SIAH1: variants seen among roughly 807,000 people sequenced by gnomAD.
SIAH1 encodes the protein E3 ubiquitin-protein ligase SIAH1.
SIAH1 carries 2 observed loss-of-function variants against 20.0 expected under a neutral mutation model. That is an observed-to-expected ratio of 0.10 (90% CI 0.04 to 0.31). The LOEUF is 0.31. SIAH1 is among the 10% of genes least tolerant of loss of function. The pLI is 1.00. For synonymous variants in SIAH1, 118 were observed against 125.3 expected (o/e 0.94, Z 0.39); for missense variants, 119 against 355.3 (o/e 0.33, Z 5.35).
chr16:48,371,568 G>A (rs1250355594), intron 1 of SIAH1, among the ~76,000 whole-genome samples: 1 of 152,230 alleles, frequency 6.6e-6, no homozygotes, highest in Admixed American at 6.5e-5. Flanking sequence ...GGAGAGGAAA[G>A]AGCAGAGAAG....
At chr16:48,384,824 G>A (rs1343541283) in intron 1 of SIAH1, among the ~76,000 whole-genome samples, 3 of 148,774 alleles carry the variant, frequency 2.0e-5, no homozygotes, top group Admixed American at 6.7e-5. Context: ...ACAAAGGCCG[G>A]CACGAGGGCG....
intron 1 of SIAH1, among the ~76,000 whole-genome samples, chr16:48,384,733 G>A (rs1449308795): frequency 6.6e-6 from 1 of 151,394 alleles, no homozygotes; most frequent in South Asian, 2.1e-4. Flanking sequence ...GGGAGGAGGG[G>A]GAGGGAGGGC....
intron 1 of SIAH1, chr16:48,365,507 C>T: frequency 6.2e-7 from 1 of 1,606,172 alleles, no homozygotes; most frequent in Non-Finnish European, 8.5e-7. Context: ...TGCGTTTCCC[C>T]CAAGAAGTAA....
Position 48,371,897 on chromosome 16 carries a change from T to C in SIAH1, c.-2-9467A>G, listed in dbSNP as rs184975638. Reference sequence around the variant, plus strand: ...TTACTCCATCTTGGCATTTAAGCTGTGCTTTTTAAAACCTTACTTATAAAA... The same window carrying C: ...TTACTCCATCTTGGCATTTAAGCTGCGCTTTTTAAAACCTTACTTATAAAA... On this transcript the variant is annotated intron_variant, in intron 1 of 1. Coordinates refer to ENST00000394725, the MANE Select transcript of SIAH1 (RefSeq NM_003031.4). Among the ~76,000 whole-genome samples, 407 of 152,354 alleles carry C rather than the reference T, an allele frequency of 2.7e-3. 1 individual carries two copies. Among genetic ancestry groups the C allele is most frequent in the African/African-American group, 9.6e-3 (401 of 41,588 alleles).
intron 1 of SIAH1, among the ~76,000 whole-genome samples, chr16:48,381,166 G>A (rs997800513): frequency 6.6e-6 from 1 of 151,892 alleles, no homozygotes; most frequent in Non-Finnish European, 1.5e-5. Flanking sequence ...CCGACATGTT[G>A]AAACCCTGCC....
At chr16:48,376,744 T>C (rs1961119390) in intron 1 of SIAH1, among the ~76,000 whole-genome samples, 1 of 152,180 alleles carries the variant, frequency 6.6e-6, no homozygotes, top group African/African-American at 2.4e-5. Context: ...TCTGCAAAAA[T>C]TAACTAACGT....
rs13332870 is a variant in SIAH1, at chr16:48,381,234, A to G, written c.-3+3970T>C. 6.5e-3 allele frequency among the ~76,000 whole-genome samples: 987 copies of G among 152,220 alleles called. 8 individuals are homozygous for G. The highest frequency in any genetic ancestry group is 0.023 in the African/African-American group (948 of 41,534). ...ATGGCAGGCGCCTGTAATCCCAGCT[A>G]CTCAGGAGACTGAGGCACGAGAATC... On this transcript the variant is annotated intron_variant, in intron 1 of 1. Coordinates refer to ENST00000394725, the MANE Select transcript of SIAH1 (RefSeq NM_003031.4).
chr16:48,376,726 G>A (rs933600479), intron 1 of SIAH1, among the ~76,000 whole-genome samples: 1 of 151,984 alleles, frequency 6.6e-6, no homozygotes, highest in African/African-American at 2.4e-5. Context: ...AAACTCAAAA[G>A]AATACAGTCT....
rs1224163561 is a variant in SIAH1, at chr16:48,361,567, T to G, written c.*13A>C. 4.4e-6 allele frequency: 7 copies of G among 1,609,072 alleles called. No homozygotes were observed. The African/African-American group carries it at 9.3e-5, about 21-fold the overall frequency. On this transcript the variant is annotated 3_prime_UTR_variant, in exon 2 of 2. Transcript: ENST00000394725. ...AGTTTTAAACACTGGCCAGAAAATG[T>G]TTGATTGCCATTTCAACACATGGAA...
At position 48,362,776 on chromosome 16, in the gene SIAH1, A is replaced by G. The variant is rs1960648801; in HGVS notation, c.-2-346T>C. 4.5e-6 allele frequency: 1 copy of G among 224,272 alleles called. No individual in the cohort carries two copies. Among genetic ancestry groups the G allele is most frequent in the East Asian group, 1.4e-4 (1 of 6,898 alleles). 13.9% of individuals were successfully genotyped at this position (224,272 alleles called of 1,614,324 possible). On this transcript the variant is annotated intron_variant, in intron 1 of 1. Transcript: ENST00000394725. This position sits in a 1 kb window ranked among gnomAD's most constrained non-coding sequence, Gnocchi z 4.2. ...TATACAAGGAACTGAAGTTTAATCG[A>G]ATCCGTTTTGCTAGGACTCTCCCTG...
intron 1 of SIAH1, among the ~76,000 whole-genome samples, chr16:48,380,420 T>C (rs756850744): frequency 6.0e-4 from 91 of 150,488 alleles, no homozygotes; most frequent in Non-Finnish European, 1.1e-3. Context: ...GCCACCGCAC[T>C]CCAGTCTGGA....
intron 1 of SIAH1, among the ~76,000 whole-genome samples, chr16:48,370,667 G>A (rs1158182369): frequency 2.0e-5 from 3 of 152,048 alleles, no homozygotes; most frequent in African/African-American, 7.2e-5. Flanking sequence ...TTAGCCAGGC[G>A]CGGTGGCGGG....
Position 48,362,121 on chromosome 16 carries a change from G to A in SIAH1, c.308C>T (p.Ser103Phe). ...SVLFPCKYAS[S>F]GCEITLPHTE... ...GTGTGGCAGAGTTATTTCACATCCA[G>A]AAGACGCATATTTACAGGGGAAAAG... is the stretch of plus-strand genomic sequence containing the variant. The change falls in exon 2 of 2, where the codon TCT becomes TTT. Residue 103 changes from serine (S) to phenylalanine (F), a missense_variant. Ser to Phe is a radical substitution (Grantham distance 155). This residue lies in a region of SIAH1 where 84 missense variants were observed against 307.8 expected (regional missense o/e 0.27). Transcript: ENST00000394725. This position sits in a 1 kb window ranked among gnomAD's most constrained non-coding sequence, Gnocchi z 4.2. The A allele has an allele frequency of 6.2e-7, 1 of 1,614,176 alleles. No individual in the cohort carries two copies. Among genetic ancestry groups the A allele is most frequent in the Non-Finnish European group, 8.5e-7 (1 of 1,180,032 alleles).
At chr16:48,365,338 A>T in intron 1 of SIAH1, 1 of 1,606,724 alleles carries the variant, frequency 6.2e-7, no homozygotes, top group Non-Finnish European at 8.5e-7. Flanking sequence ...ACTGACTAAT[A>T]GCGTTCAAGT....
At chr16:48,365,391 T>C (rs765159946) in intron 1 of SIAH1, 15 of 1,613,982 alleles carry the variant, frequency 9.3e-6, no homozygotes, top group Non-Finnish European at 1.3e-5. Flanking sequence ...CAATACCTTT[T>C]CTCTTCCTTG....
rs1419840303 is a variant in SIAH1 at position 48,361,446 on chromosome 16, C to G, written c.*134G>C. The G allele has an allele frequency of 1.3e-6, 1 of 791,124 alleles. No homozygotes were observed. The highest frequency in any genetic ancestry group is 2.0e-6 in the Non-Finnish European group (1 of 488,240). 49.0% of individuals were successfully genotyped at this position (791,124 alleles called of 1,614,324 possible). On this transcript the variant is annotated 3_prime_UTR_variant, in exon 2 of 2. Transcript: ENST00000394725. Reference sequence around the variant, plus strand: ...TGCAACTGTTTCCTGTATTTAACAGCCTTTCTTTTTATTTACCTTCATGTG... The same window carrying G: ...TGCAACTGTTTCCTGTATTTAACAGGCTTTCTTTTTATTTACCTTCATGTG...
Position 48,361,064 on chromosome 16 carries a change from CAA to C in SIAH1, c.*514_*515del, listed in dbSNP as rs1960564831. The C allele has an allele frequency of 6.6e-6, 1 of 152,452 alleles. No individual in the cohort carries two copies. The highest frequency in any genetic ancestry group is 2.1e-4 in the South Asian group (1 of 4,836). The allele number at this position is 152,452 out of a possible 1,614,324, so 9.4% of individuals were successfully genotyped here. On this transcript the variant is annotated 3_prime_UTR_variant, in exon 2 of 2. Transcript: ENST00000394725. ...GGAAAAACCTGAATTACAGAAAAGTCAAATTTATTTAATGAAAAACTAAAATT... is the reference window on the plus strand; with the variant it reads ...GGAAAAACCTGAATTACAGAAAAGTCATTTATTTAATGAAAAACTAAAATT...
intron 1 of SIAH1, among the ~76,000 whole-genome samples, chr16:48,379,824 T>C (rs780170614): frequency 5.3e-5 from 8 of 152,092 alleles, no homozygotes; most frequent in Non-Finnish European, 8.8e-5. Context: ...GAGAGCTTAA[T>C]AGGATGAGAG....
chr16:48,380,734 G>A (rs1435929017), intron 1 of SIAH1, among the ~76,000 whole-genome samples: 3 of 151,760 alleles, frequency 2.0e-5, no homozygotes, highest in African/African-American at 7.3e-5. Flanking sequence ...GACTGACCTG[G>A]CCAGCATGGC....
Sources: allele counts gnomAD v4.1 joint callset (sites outside exome capture counted in the v4.1 genomes callset), GRCh38; gene constraint gnomAD v4.1.1; regional missense constraint gnomAD v4.1.1; non-coding constraint Gnocchi (gnomAD v3.1); transcripts MANE v1.5; gene names NCBI Gene and HGNC (gene_info 2026-07-23, HGNC 2026-07-21).